Variants in CHST13 observed in about 807,000 individuals in gnomAD.
The protein encoded by CHST13 is carbohydrate sulfotransferase 13.
In CHST13, 1 loss-of-function variant was observed where a neutral mutation model predicts 7.0. The observed-to-expected ratio is 0.14, with a 90% CI of 0.05 to 0.68. CHST13 has a LOEUF of 0.68. Ranked by LOEUF, CHST13 falls within the 30% of genes least tolerant of loss-of-function variation. CHST13 has a pLI of 0.82. For missense variants in CHST13, 572 were observed against 507.9 expected, an observed-to-expected ratio of 1.13 and a Z score of -1.21; for synonymous variants, 257 against 240.9, an observed-to-expected ratio of 1.07 and a Z score of -0.62.
chr3:126,535,592 C>T (rs1216380461), intron 1 of CHST13, among the ~76,000 whole-genome samples: 3 of 148,566 alleles, frequency 2.0e-5, no homozygotes, highest in Non-Finnish European at 4.5e-5. Flanking sequence ...TTTCCTCAGT[C>T]GGGAGACAGC....
Position 126,524,356 on chromosome 3 carries a change from G to C in CHST13, c.24G>C (p.Arg8=), listed in dbSNP as rs1187070765. 9 of 1,235,286 alleles carry C rather than the reference G, an allele frequency of 7.3e-6. No homozygotes were observed. The highest frequency in any genetic ancestry group is 8.1e-6 in the Non-Finnish European group (8 of 989,804). 76.5% of individuals were successfully genotyped at this position (1,235,286 alleles called of 1,614,324 possible). A position where few individuals can be genotyped will look rare whatever the true frequency, so the allele number is the denominator to read the frequency against. MGRRCCR[R]RVLAAACLGA... is the part of the protein sequence containing the mutation. ...GCATGGGGAGGCGCTGCTGCCGGCG[G>C]CGCGTGCTGGCGGCCGCCTGTCTGG... Residue 8 remains arginine (R), a synonymous_variant, in exon 1 of 3, where the codon CGG becomes CGC. Transcript: ENST00000319340.
chr3:126,529,143 C>T (rs901264342), intron 1 of CHST13: 14 of 373,394 alleles, frequency 3.7e-5, no homozygotes, highest in African/African-American at 9.6e-5. Flanking sequence ...CTGCACAGGG[C>T]GCGAGCCCTG....
chr3:126,541,790 G>C lies in CHST13; in HGVS notation c.238G>C (p.Ala80Pro). The part of the protein sequence containing the change: ...HRQRRDLLNS[A>P]CSRHSRRQRL... ...GCAGCGGCGCGACCTGCTGAACAGC[G>C]CCTGTAGCCGCCACTCACGCCGGCA... The change falls in exon 3 of 3, where the codon GCC becomes CCC. Residue 80 changes from alanine to proline, a missense_variant. By Grantham distance (27) the Ala-to-Pro change is conservative (BLOSUM62 -1). Transcript: ENST00000319340. The C allele has an allele frequency of 6.5e-7, 1 of 1,542,152 alleles. No homozygotes were observed. The highest frequency in any genetic ancestry group is 8.7e-7 in the Non-Finnish European group (1 of 1,145,492).
intron 1 of CHST13, among the ~76,000 whole-genome samples, chr3:126,531,772 T>G (rs1321033143): frequency 1.3e-5 from 2 of 152,248 alleles, no homozygotes; most frequent in Non-Finnish European, 2.9e-5. Flanking sequence ...GATGGGAACA[T>G]TTGTGAACAA....
chr3:126,533,259 CA>C (rs1336520858), intron 1 of CHST13, among the ~76,000 whole-genome samples: 1 of 152,124 alleles, frequency 6.6e-6, no homozygotes, highest in African/African-American at 2.4e-5. Context: ...ATAAAACCTC[CA>C]GTATAATTAA....
intron 1 of CHST13, among the ~76,000 whole-genome samples, chr3:126,530,953 CA>C (rs1936645943): frequency 2.6e-5 from 4 of 152,256 alleles, no homozygotes; most frequent in African/African-American, 4.8e-5. Context: ...AGGCAGGGGG[CA>C]GCAGGACCCT....
At chr3:126,524,902 C>T (rs188319501) in intron 1 of CHST13, among the ~76,000 whole-genome samples, 1 of 152,316 alleles carries the variant, frequency 6.6e-6, no homozygotes, top group Non-Finnish European at 1.5e-5. Context: ...ACCCTGAAAT[C>T]CACACTGGGT....
intron 1 of CHST13, among the ~76,000 whole-genome samples, chr3:126,531,466 TG>T (rs772221274): frequency 6.6e-6 from 1 of 152,266 alleles, no homozygotes; most frequent in Non-Finnish European, 1.5e-5. Flanking sequence ...CACATGTACC[TG>T]AATTCTTGAA....
At chr3:126,539,037 T>C (rs538660199) in intron 2 of CHST13, among the ~76,000 whole-genome samples, 3 of 152,294 alleles carry the variant, frequency 2.0e-5, no homozygotes, top group African/African-American at 7.2e-5. Flanking sequence ...TGCTTTGCCG[T>C]GTGCTTACAG....
rs1056523 is a variant in CHST13, at chr3:126,542,364, C to T, written c.812C>T (p.Ala271Val). The T allele has an allele frequency of 0.24, 374,248 of 1,560,244 alleles. 46,835 individuals carry two copies. The highest frequency in any genetic ancestry group is 0.31 in the Admixed American group (16,577 of 54,066). ...YDVVGKFETL[A>V]EDAAFVLGLA... ...GTCGTGGGCAAGTTCGAGACGCTGG[C>T]GGAGGACGCGGCCTTCGTGCTGGGC... The change falls in exon 3 of 3, where the codon GCG becomes GTG. Residue 271 changes from alanine to valine, a missense_variant. Ala to Val is a moderately conservative substitution (Grantham distance 64, BLOSUM62 0). Transcript: ENST00000319340.
chr3:126,525,278 G>T (rs1164467248), intron 1 of CHST13, among the ~76,000 whole-genome samples: 1 of 152,122 alleles, frequency 6.6e-6, no homozygotes, highest in Non-Finnish European at 1.5e-5. Flanking sequence ...GAGAATCCTG[G>T]GCCCCACCCT....
intron 2 of CHST13, among the ~76,000 whole-genome samples, chr3:126,536,923 A>ACACC (rs557001264): frequency 1.3e-4 from 18 of 141,566 alleles, no homozygotes; most frequent in African/African-American, 4.7e-4. Flanking sequence ...ACACACACAC[A>ACACC]CCCCACACAC....
At chr3:126,524,598 C>A (rs1936500131) in intron 1 of CHST13, among the ~76,000 whole-genome samples, 169 bp downstream of exon 1, 1 of 152,208 alleles carries the variant, frequency 6.6e-6, no homozygotes, top group Admixed American at 6.5e-5. Context: ...GCTCTAGACG[C>A]CCCCGCGAGC....
Position 126,542,778 on chromosome 3 carries a change from G to T in CHST13, c.*200G>T. 1 of 687,866 alleles carries T rather than the reference G, an allele frequency of 1.5e-6. No individual in the cohort carries two copies. The highest frequency in any genetic ancestry group is 2.1e-6 in the Non-Finnish European group (1 of 478,548). The allele number at this position is 687,866 out of a possible 1,614,324, so 42.6% of individuals were successfully genotyped here. A position where few individuals can be genotyped will look rare whatever the true frequency, so the allele number is the denominator to read the frequency against. On this transcript the variant is annotated 3_prime_UTR_variant, in exon 3 of 3. Coordinates refer to ENST00000319340, the MANE Select transcript of CHST13 (RefSeq NM_152889.3). ...CAGGTGGCCCTGCACGCGTGTGCCT[G>T]CCTCGGCCTGTCGCCTGAGGCCTGC...
chr3:126,533,867 T>A (rs7616966), intron 1 of CHST13, among the ~76,000 whole-genome samples: 149,225 of 151,878 alleles, frequency 0.98, 73,289 homozygotes, highest in Middle Eastern at 1. Context: ...GTTTGTGGGA[T>A]TTTTTTTTTA....
At position 126,542,530 on chromosome 3, in the gene CHST13, C is replaced by G; in HGVS notation, c.978C>G (p.Asp326Glu). The G allele has an allele frequency of 6.5e-7, 1 of 1,537,700 alleles. No homozygotes were observed. Among genetic ancestry groups the G allele is most frequent in the Non-Finnish European group, 8.7e-7 (1 of 1,148,336 alleles). The change falls in exon 3 of 3, where the codon GAC becomes GAG. Residue 326 changes from aspartate to glutamate, a missense_variant. Physicochemically the swap from Asp to Glu is conservative, Grantham distance 45 (BLOSUM62 2). Coordinates refer to ENST00000319340, the MANE Select transcript of CHST13 (RefSeq NM_152889.3). ...QRRLFDLYKM[D>E]FLLFNYSAPS... ...GCCTCTTCGACCTCTACAAGATGGA[C>G]TTCCTGCTTTTCAACTACTCCGCCC...
rs1297911877 is a variant in CHST13, at chr3:126,542,267, C to A, written c.715C>A (p.Arg239Ser). ...LAYLLDPRTR[R>S]EEPFNEHWER... ...CTACCTGCTGGACCCGCGCACGCGG[C>A]GTGAGGAGCCCTTCAACGAGCACTG... is the stretch of plus-strand genomic sequence containing the variant. Residue 239 changes from arginine to serine, a missense_variant, in exon 3 of 3, where the codon CGT becomes AGT. By Grantham distance (110) the Arg-to-Ser change is moderately radical. Coordinates refer to ENST00000319340, the MANE Select transcript of CHST13 (RefSeq NM_152889.3). 6 of 1,557,298 alleles carry A rather than the reference C, an allele frequency of 3.9e-6. No individual in the cohort carries two copies. In the East Asian group the frequency reaches 9.9e-5, roughly 26 times the overall value.
chr3:126,539,850 C>G (rs796647687), intron 2 of CHST13, among the ~76,000 whole-genome samples: 3 of 1,506 alleles, frequency 2.0e-3, no homozygotes, highest in African/African-American at 5.3e-3. Context: ...ACACACATCA[C>G]ACACACACAC....
At chr3:126,534,838 G>A (rs1354886457) in intron 1 of CHST13, among the ~76,000 whole-genome samples, 1 of 145,112 alleles carries the variant, frequency 6.9e-6, no homozygotes, top group African/African-American at 2.6e-5. Context: ...CATACACAGA[G>A]AGCATCCCTG....
Sources: gnomAD v4.1 joint callset for allele counts (sites outside exome capture counted in the v4.1 genomes callset) on GRCh38, gnomAD v4.1.1 for gene constraint, MANE v1.5 for transcripts, NCBI Gene and HGNC (gene_info 2026-07-23, HGNC 2026-07-21) for gene names.